KCNJ15: variants seen among roughly 807,000 people sequenced by gnomAD.
KCNJ15 encodes ATP-sensitive inward rectifier potassium channel 15.
A neutral mutation model predicts 23.0 loss-of-function variants in KCNJ15; 14 were observed. The observed-to-expected ratio is 0.61, with a 90% CI of 0.40 to 0.95. The LOEUF (loss-of-function observed/expected upper bound fraction) is 0.95, where lower values mean the gene tolerates loss of function less well. Ranked by LOEUF, KCNJ15 falls within the 40% of genes least tolerant of loss-of-function variation. The pLI is 0.00. For synonymous variants in KCNJ15, 185 were observed against 183.2 expected (o/e 1.01, Z -0.08); for missense variants, 388 against 461.8 (o/e 0.84, Z 1.46).
intron 1 of KCNJ15, among the ~76,000 whole-genome samples, chr21:38,292,090 C>T (rs1372891112): frequency 6.6e-6 from 1 of 152,198 alleles, no homozygotes; most frequent in African/African-American, 2.4e-5. Flanking sequence ...CAAGCTAATG[C>T]TGATGATGGT....
chr21:38,276,412 G>A (rs992876105), intron 1 of KCNJ15, among the ~76,000 whole-genome samples: 3 of 152,078 alleles, frequency 2.0e-5, no homozygotes, highest in African/African-American at 7.2e-5. Flanking sequence ...CATAATTTCA[G>A]TACTAAATTA....
intron 1 of KCNJ15, among the ~76,000 whole-genome samples, chr21:38,282,274 G>A (rs1983432122): frequency 6.6e-6 from 1 of 152,200 alleles, no homozygotes; most frequent in South Asian, 2.1e-4. Context: ...ACCCCACATT[G>A]GAGACATCTG....
chr21:38,275,682 A>G (rs531777503), intron 1 of KCNJ15, among the ~76,000 whole-genome samples: 51 of 152,188 alleles, frequency 3.4e-4, no homozygotes, highest in Non-Finnish European at 6.3e-4. Context: ...CCAAGGCATT[A>G]GTTCATTTTA....
rs1466731985 is a variant in KCNJ15 at position 38,306,275 on chromosome 21, T to G, written c.*5886T>G. The G allele has an allele frequency of 6.6e-6, 1 of 151,964 alleles. No individual in the cohort carries two copies. The highest frequency in any genetic ancestry group is 1.9e-4 in the East Asian group (1 of 5,194). The allele number at this position is 151,964 out of a possible 1,614,324, so 9.4% of individuals were successfully genotyped here. Reference sequence around the variant, plus strand: ...TCCCACCTACTTAAAATTTCAAATTTCACCCTCAAAAATATTTCAGTAAAT... The same window carrying G: ...TCCCACCTACTTAAAATTTCAAATTGCACCCTCAAAAATATTTCAGTAAAT... On this transcript the variant is annotated 3_prime_UTR_variant, in exon 3 of 3. Coordinates refer to ENST00000398938, the MANE Select transcript of KCNJ15 (RefSeq NM_170736.3).
At chr21:38,243,954 G>A (rs1408297369) in intron 1 of KCNJ15, among the ~76,000 whole-genome samples, 1 of 152,146 alleles carries the variant, frequency 6.6e-6, no homozygotes, top group East Asian at 1.9e-4. Context: ...GTGTTTCTGA[G>A]TAAGTTACAT....
At chr21:38,251,636 T>G (rs939968053) in intron 1 of KCNJ15, among the ~76,000 whole-genome samples, 2 of 152,246 alleles carry the variant, frequency 1.3e-5, no homozygotes, top group Non-Finnish European at 2.9e-5. Context: ...ATCAGGCCTG[T>G]ATTAATGCTT....
At chr21:38,236,313 A>G (rs1978597971) in intron 1 of KCNJ15, among the ~76,000 whole-genome samples, 1 of 152,250 alleles carries the variant, frequency 6.6e-6, no homozygotes, top group Admixed American at 6.5e-5. Flanking sequence ...AAAGCTTTGG[A>G]CAAATGAAAT....
intron 1 of KCNJ15, among the ~76,000 whole-genome samples, chr21:38,292,864 A>T (rs1176736314): frequency 1.3e-5 from 2 of 151,472 alleles, no homozygotes; most frequent in Non-Finnish European, 2.9e-5. Context: ...AGCTGCTTGG[A>T]AGGCTGAGGC....
intron 1 of KCNJ15, among the ~76,000 whole-genome samples, chr21:38,231,638 C>A (rs895436487): frequency 1.2e-4 from 16 of 134,164 alleles, no homozygotes; most frequent in Admixed American, 1.5e-4. Flanking sequence ...TTCCTCTATT[C>A]CTAGTTTATT....
chr21:38,283,580 A>C (rs1020379844), intron 1 of KCNJ15, among the ~76,000 whole-genome samples: 2 of 152,240 alleles, frequency 1.3e-5, no homozygotes, highest in Admixed American at 6.5e-5. Context: ...CTAATGTTTT[A>C]ATATCATAAT....
At chr21:38,270,017 C>T (rs1981915427) in intron 1 of KCNJ15, among the ~76,000 whole-genome samples, 1 of 152,200 alleles carries the variant, frequency 6.6e-6, no homozygotes, top group Admixed American at 6.5e-5. Flanking sequence ...TATGCTTCCC[C>T]ACTTCACTGC....
chr21:38,300,309 C>G lies in KCNJ15; in HGVS notation c.1048C>G (p.Gln350Glu). ...TFYCADSEKQQLEEKYRQEDQ... is the reference protein window; with the variant it reads ...TFYCADSEKQELEEKYRQEDQ... Reference sequence around the variant, plus strand: ...TTACTGTGCAGATTCTGAGAAACAGCAACTCGAGGAGAAGTACAGGCAGGA... The same window carrying G: ...TTACTGTGCAGATTCTGAGAAACAGGAACTCGAGGAGAAGTACAGGCAGGA... The change falls in exon 3 of 3, where the codon CAA (glutamine) becomes GAA (glutamate). Residue 350 changes from glutamine to glutamate, a missense_variant. Gln to Glu is a conservative substitution (Grantham distance 29, BLOSUM62 2). Transcript: ENST00000398938. 6.2e-7 allele frequency: 1 copy of G among 1,613,990 alleles called. No homozygotes were observed. Among genetic ancestry groups the G allele is most frequent in the Admixed American group, 1.7e-5 (1 of 60,026 alleles).
At chr21:38,265,703 T>G (rs1448913228) in intron 1 of KCNJ15, among the ~76,000 whole-genome samples, 1 of 152,232 alleles carries the variant, frequency 6.6e-6, no homozygotes, top group Non-Finnish European at 1.5e-5. Flanking sequence ...TCCAGGCTGC[T>G]GCTGGACAGA....
Position 38,307,098 on chromosome 21 carries a change from TCTCAAGGCTGAG to T in KCNJ15, c.*6712_*6723del, listed in dbSNP as rs1986083034. On this transcript the variant is annotated 3_prime_UTR_variant, in exon 3 of 3. Transcript: ENST00000398938. ...CTCCAGCAGAATGGTGGTTTGTGTT[TCTCAAGGCTGAG>T]CTACTATTTGGTGCATGTCGGAAAT... The T allele has an allele frequency of 6.6e-6, 1 of 152,216 alleles. No homozygotes were observed. Among genetic ancestry groups the T allele is most frequent in the Admixed American group, 6.5e-5 (1 of 15,282 alleles). The allele number at this position is 152,216 out of a possible 1,614,324, so 9.4% of individuals were successfully genotyped here.
Position 38,299,202 on chromosome 21 carries a change from C to T in KCNJ15, c.-18-42C>T, listed in dbSNP as rs1985482418. 3.5e-6 allele frequency: 5 copies of T among 1,428,130 alleles called. No homozygotes were observed. The highest frequency in any genetic ancestry group is 4.8e-6 in the Non-Finnish European group (5 of 1,041,312). The allele number at this position is 1,428,130 out of a possible 1,614,324, so 88.5% of individuals were successfully genotyped here. The stretch of plus-strand genomic sequence containing the variant: ...ATGATTCTATTTTCTGGAAGTTCCA[C>T]CACATATGGCGATAATGAAACATCT... On this transcript the variant is annotated intron_variant, in intron 2 of 2. Transcript: ENST00000398938. The surrounding 1 kb of genome is among the most constrained non-coding windows in gnomAD (Gnocchi z 4.5).
rs374046793 is a variant in KCNJ15 at position 38,300,409 on chromosome 21, G to T, written c.*20G>T. The T allele has an allele frequency of 1.5e-5, 24 of 1,568,326 alleles. 1 individual carries two copies. The South Asian group carries it at 2.4e-4, about 16-fold the overall frequency. ...GTCTGATCACAGGGGCGCCATCCAGGTTTAACCCTGCAAGCTGTTTCCACA... is the reference window on the plus strand; with the variant it reads ...GTCTGATCACAGGGGCGCCATCCAGTTTTAACCCTGCAAGCTGTTTCCACA... On this transcript the variant is annotated 3_prime_UTR_variant, in exon 3 of 3. Coordinates refer to ENST00000398938, the MANE Select transcript of KCNJ15 (RefSeq NM_170736.3).
At chr21:38,263,341 T>C (rs952670554) in intron 1 of KCNJ15, among the ~76,000 whole-genome samples, 3 of 152,172 alleles carry the variant, frequency 2.0e-5, no homozygotes, top group African/African-American at 7.2e-5. Context: ...AGCAAAGCAC[T>C]GTCTATCCTG....
intron 1 of KCNJ15, among the ~76,000 whole-genome samples, chr21:38,287,953 A>C (rs980093685): frequency 6.6e-6 from 1 of 151,168 alleles, no homozygotes; most frequent in East Asian, 1.9e-4. Context: ...TGTGGTCAAA[A>C]TGTAGACTGA....
intron 1 of KCNJ15, among the ~76,000 whole-genome samples, chr21:38,231,723 G>C (rs377728975): frequency 2.2e-4 from 33 of 151,702 alleles, no homozygotes; most frequent in African/African-American, 7.7e-4. Flanking sequence ...AAATGACCAC[G>C]TGTTTTTTTG....
Sources: gnomAD v4.1 joint callset for allele counts (sites outside exome capture counted in the v4.1 genomes callset) on GRCh38, gnomAD v4.1.1 for gene constraint, Gnocchi (gnomAD v3.1) non-coding constraint, MANE v1.5 for transcripts, NCBI Gene and HGNC (gene_info 2026-07-23, HGNC 2026-07-21) for gene names.